The following IGF2R variants were observed in gnomAD, a reference collection of about 807,000 sequenced individuals.
IGF2R encodes the protein insulin like growth factor 2 receptor, also known as cation-independent mannose-6-phosphate receptor.
In IGF2R, 91 loss-of-function variants were observed where a neutral mutation model predicts 270.6. The observed-to-expected ratio is 0.34, with a 90% CI of 0.28 to 0.40. IGF2R has a LOEUF of 0.40. Among genes scored for constraint, IGF2R ranks in the 10% least tolerant of loss-of-function variants. The pLI, the probability that IGF2R is intolerant of heterozygous loss-of-function variation, is 1.00. For synonymous variants in IGF2R, 1,316 were observed against 1,258.9 expected (o/e 1.05, Z -0.96); for missense variants, 2,805 against 3,188.3 (o/e 0.88, Z 2.90).
At chr6:159,988,030 T>C (rs1357802371) in intron 1 of IGF2R, among the ~76,000 whole-genome samples, 1 of 152,210 alleles carries the variant, frequency 6.6e-6, no homozygotes, top group Non-Finnish European at 1.5e-5. Context: ...AAAACAAGTA[T>C]GAAATCCAAG....
At chr6:160,087,831 G>A (rs2079281558) in intron 41 of IGF2R, among the ~76,000 whole-genome samples, 1 of 151,944 alleles carries the variant, frequency 6.6e-6, no homozygotes, top group South Asian at 2.1e-4. Flanking sequence ...ACCTGCCACC[G>A]TGCCCGAATA....
At position 160,089,232 on chromosome 6, in the gene IGF2R, G is replaced by C; in HGVS notation, c.6446G>C (p.Ser2149Thr). 1 of 1,608,522 alleles carries C rather than the reference G, an allele frequency of 6.2e-7. No individual in the cohort carries two copies. Among genetic ancestry groups the C allele is most frequent in the South Asian group, 1.1e-5 (1 of 90,580 alleles). Reference protein sequence around the residue: ...ITNPINGKSFSLGDIYFKLFR... With the variant: ...ITNPINGKSFTLGDIYFKLFR... Reference sequence around the variant, plus strand: ...AACCCTATAAATGGCAAGAGCTTCAGCCTCGGAGATATTTATTTTAAGTAA... The same window carrying C: ...AACCCTATAAATGGCAAGAGCTTCACCCTCGGAGATATTTATTTTAAGTAA... The change falls in exon 43 of 48, where the codon AGC becomes ACC. Residue 2149 changes from serine (S) to threonine (T), a missense_variant. Ser to Thr is a moderately conservative substitution (Grantham distance 58). This residue lies in a region of IGF2R where 1,851 missense variants were observed against 2,207.2 expected (regional missense o/e 0.84). Transcript: ENST00000356956.
intron 39 of IGF2R, among the ~76,000 whole-genome samples, chr6:160,082,088 A>G (rs1778995815): frequency 6.6e-6 from 1 of 152,222 alleles, no homozygotes; most frequent in African/African-American, 2.4e-5. Context: ...TTCACAATGT[A>G]TATTCTTCTG....
At chr6:160,057,960 T>C (rs1009199564) in intron 20 of IGF2R, 63 bp from the exon 21 acceptor site, 27 of 929,096 alleles carry the variant, frequency 2.9e-5, no homozygotes, top group Admixed American at 2.6e-4. Context: ...GTGCTGTATG[T>C]ATGTTATGTT....
Position 160,058,074 on chromosome 6 carries a change from C to A in IGF2R, c.2848C>A (p.Leu950Ile). ...TGGATTTGTGTTTAATCTTAATCCG[C>A]TAAACAGTTCGCAAGGATATAACGT... ...NSGFVFNLNP[L>I]NSSQGYNVSG... Residue 950 changes from leucine to isoleucine, a missense_variant, in exon 21 of 48, where the codon CTA (leucine) becomes ATA (isoleucine). Leu to Ile is a conservative substitution (Grantham distance 5). Transcript: ENST00000356956. 1 of 1,613,768 alleles carries A rather than the reference C, an allele frequency of 6.2e-7. No individual in the cohort carries two copies. Among genetic ancestry groups the A allele is most frequent in the South Asian group, 1.1e-5 (1 of 91,074 alleles).
At chr6:160,025,050 G>A (rs189913416) in intron 5 of IGF2R, among the ~76,000 whole-genome samples, 22 of 152,116 alleles carry the variant, frequency 1.4e-4, no homozygotes, top group Admixed American at 1.2e-3. Context: ...TTACGGGCTG[G>A]GTGAAAAAGA....
rs74599879 is a variant in IGF2R at position 160,001,669 on chromosome 6, A to G, written c.290-7341A>G. Among the ~76,000 whole-genome samples the G allele has an allele frequency of 9.1e-4, 139 of 152,310 alleles. 3 individuals are homozygous for G. The East Asian group carries it at 0.025, about 27-fold the overall frequency. On this transcript the variant is annotated intron_variant, in intron 2 of 47. Coordinates refer to ENST00000356956, the MANE Select transcript of IGF2R (RefSeq NM_000876.4). ...TTTAAACAATATTACATTATTTTAAATTGAGGAATCATACATTATCCACAC... is the reference window on the plus strand; with the variant it reads ...TTTAAACAATATTACATTATTTTAAGTTGAGGAATCATACATTATCCACAC...
rs113810741 is a variant in IGF2R, at chr6:160,107,720, C to T, written c.*2636C>T. On this transcript the variant is annotated 3_prime_UTR_variant, in exon 48 of 48. Coordinates refer to ENST00000356956, the MANE Select transcript of IGF2R (RefSeq NM_000876.4). Reference sequence around the variant, plus strand: ...TCCACAGTGAAGTGGAAATCTGGTTCTTATGAACATTTTAAGAGCATCTGA... The same window carrying T: ...TCCACAGTGAAGTGGAAATCTGGTTTTTATGAACATTTTAAGAGCATCTGA... 8.6e-4 allele frequency: 131 copies of T among 152,296 alleles called. No homozygotes were observed. Among genetic ancestry groups the T allele is most frequent in the African/African-American group, 2.9e-3 (121 of 41,560 alleles). 9.4% of individuals were successfully genotyped at this position (152,296 alleles called of 1,614,324 possible).
chr6:160,059,202 A>G (rs1583284548), intron 22 of IGF2R, 104 bp downstream of exon 22: 5 of 937,696 alleles, frequency 5.3e-6, no homozygotes, highest in East Asian at 2.5e-5. Context: ...CCCCGCCACC[A>G]TGGGCTGTGC....
intron 23 of IGF2R, among the ~76,000 whole-genome samples, chr6:160,060,938 T>A (rs1282812210): frequency 6.6e-6 from 1 of 152,256 alleles, no homozygotes; most frequent in East Asian, 1.9e-4. Context: ...GTTAATGGTT[T>A]TAAGCTATCT....
rs1562370985 is a variant in IGF2R at position 160,079,714 on chromosome 6, A to G, written c.5613A>G (p.Ser1871=). The change falls in exon 38 of 48, where the codon TCA becomes TCG. Residue 1871 remains serine, a synonymous_variant. Coordinates refer to ENST00000356956, the MANE Select transcript of IGF2R (RefSeq NM_000876.4). The part of the protein sequence containing the change: ...TKGASFGRLQ[S]MKLDYRHQDE... Reference sequence around the variant, plus strand: ...GGGCATCCTTTGGACGGCTGCAATCAATGAAACTGGATTACAGGCACCAGG... The same window carrying G: ...GGGCATCCTTTGGACGGCTGCAATCGATGAAACTGGATTACAGGCACCAGG... 1 of 1,506,142 alleles carries G rather than the reference A, an allele frequency of 6.6e-7. No individual in the cohort carries two copies. Among genetic ancestry groups the G allele is most frequent in the South Asian group, 1.4e-5 (1 of 73,676 alleles). The allele number at this position is 1,506,142 out of a possible 1,614,324, so 93.3% of individuals were successfully genotyped here.
At chr6:159,978,685 G>C (rs930531852) in intron 1 of IGF2R, among the ~76,000 whole-genome samples, 7 of 151,894 alleles carry the variant, frequency 4.6e-5, no homozygotes, top group South Asian at 2.1e-4. Flanking sequence ...TTAGGTTTTC[G>C]AGGTGCCCAA....
At position 160,090,118 on chromosome 6, in the gene IGF2R, CCCACAAAGTT is replaced by C. The variant is rs761995531; in HGVS notation, c.6655+21_6655+30del. Reference sequence around the variant, plus strand: ...CTACCTTCAAGGTAATCCGTGGCTTCCCACAAAGTTCCACATTTAACTTCCTCCAAGGAAG... The same window carrying C: ...CTACCTTCAAGGTAATCCGTGGCTTCCCACATTTAACTTCCTCCAAGGAAG... On this transcript the variant is annotated intron_variant, in intron 44 of 47. Transcript: ENST00000356956. The C allele has an allele frequency of 2.8e-6, 4 of 1,424,596 alleles. No homozygotes were observed. The highest frequency in any genetic ancestry group is 3.7e-6 in the Non-Finnish European group (4 of 1,076,966). The allele number at this position is 1,424,596 out of a possible 1,614,324, so 88.2% of individuals were successfully genotyped here.
At chr6:160,053,362 A>G (rs558361792) in intron 19 of IGF2R, among the ~76,000 whole-genome samples, 3 of 152,282 alleles carry the variant, frequency 2.0e-5, no homozygotes, top group South Asian at 2.1e-4. Flanking sequence ...ATGTATACCT[A>G]TGTATCAAAC....
chr6:159,991,466 A>G (rs1583246030), intron 2 of IGF2R, 143 bp downstream of exon 2: 4 of 678,556 alleles, frequency 5.9e-6, no homozygotes, highest in East Asian at 5.6e-5. Flanking sequence ...CATAATACAC[A>G]TTTGTTAGTA....
intron 7 of IGF2R, among the ~76,000 whole-genome samples, chr6:160,031,646 G>A (rs1371866927): frequency 6.6e-6 from 1 of 152,108 alleles, no homozygotes; most frequent in African/African-American, 2.4e-5. Flanking sequence ...ACTGCACTGA[G>A]CCACGTGGGC....
At chr6:160,065,511 T>C (rs1778550532) in intron 29 of IGF2R, among the ~76,000 whole-genome samples, 2 of 152,182 alleles carry the variant, frequency 1.3e-5, no homozygotes, top group South Asian at 4.1e-4. Flanking sequence ...CGTATGTAAA[T>C]GCAAGCATTT....
chr6:160,061,468 A>G, intron 23 of IGF2R, 35 bp from the exon 24 acceptor site: 1 of 1,608,486 alleles, frequency 6.2e-7, no homozygotes. Flanking sequence ...ACAAGGAGGC[A>G]GAGTTCTCCA....
chr6:160,017,458 A>C lies in IGF2R; in HGVS notation c.513+6673A>C, dbSNP rs537277673. On this transcript the variant is annotated intron_variant, in intron 4 of 47. Coordinates refer to ENST00000356956, the MANE Select transcript of IGF2R (RefSeq NM_000876.4). ...ATGTATTTGAGGACATAATTGATGT[A>C]AACTTCTTTAGTTTAGCAGGAGATC... 5.3e-5 allele frequency among the ~76,000 whole-genome samples: 8 copies of C among 152,240 alleles called. No homozygotes were observed. In the South Asian group the frequency reaches 1.4e-3, roughly 28 times the overall value.
Sources: allele counts gnomAD v4.1 joint callset (sites outside exome capture counted in the v4.1 genomes callset), GRCh38; gene constraint gnomAD v4.1.1; regional missense constraint gnomAD v4.1.1; transcripts MANE v1.5; gene names NCBI Gene and HGNC (gene_info 2026-07-23, HGNC 2026-07-21).